ELF2: variants seen among roughly 807,000 people sequenced by gnomAD.
The protein encoded by ELF2 is ETS-related transcription factor Elf-2.
ELF2 carries 11 observed loss-of-function variants against 54.8 expected under a neutral mutation model. That is an observed-to-expected ratio of 0.20 (90% CI 0.13 to 0.33). The LOEUF is 0.33. Ranked by LOEUF, ELF2 falls within the 10% of genes least tolerant of loss-of-function variation. The probability of loss-of-function intolerance (pLI) is 1.00; values close to 1 mark genes in which losing one functional copy is unlikely to be tolerated. For missense variants in ELF2, 513 were observed against 703.0 expected, an observed-to-expected ratio of 0.73 and a Z score of 3.06; for synonymous variants, 203 against 245.1, an observed-to-expected ratio of 0.83 and a Z score of 1.61.
chr4:139,109,997 G>A (rs370225653), intron 4 of ELF2, among the ~76,000 whole-genome samples: 6 of 152,112 alleles, frequency 3.9e-5, no homozygotes, highest in South Asian at 4.1e-4. Context: ...AAAAAGAAAC[G>A]TTAAAAAATA....
chr4:139,138,145 C>T (rs1440154426), intron 2 of ELF2, among the ~76,000 whole-genome samples: 3 of 152,110 alleles, frequency 2.0e-5, no homozygotes, highest in African/African-American at 2.4e-5. Context: ...GTGCCAGGTG[C>T]GGTGGCTCAC....
intron 4 of ELF2, among the ~76,000 whole-genome samples, chr4:139,119,235 G>A (rs142535032): frequency 5.3e-5 from 8 of 152,084 alleles, no homozygotes; most frequent in South Asian, 2.1e-4. Context: ...GTTTCCCCTC[G>A]GAAATTTATT....
intron 1 of ELF2, among the ~76,000 whole-genome samples, chr4:139,143,906 C>T (rs1390923765): frequency 2.6e-5 from 4 of 152,014 alleles, no homozygotes; most frequent in Non-Finnish European, 5.9e-5. Flanking sequence ...ACACCTTAGC[C>T]TGATCCTTGC....
chr4:139,110,249 A>C (rs1191430941), intron 4 of ELF2, among the ~76,000 whole-genome samples: 1 of 152,206 alleles, frequency 6.6e-6, no homozygotes, highest in African/African-American at 2.4e-5. Flanking sequence ...ATAGCAGAGC[A>C]CATGCTCTGG....
chr4:139,153,362 G>A (rs559462668), intron 1 of ELF2, among the ~76,000 whole-genome samples: 1 of 152,222 alleles, frequency 6.6e-6, no homozygotes, highest in Non-Finnish European at 1.5e-5. Context: ...TTGAGCCTGG[G>A]AGGCAGAGGT....
At chr4:139,066,790 G>A (rs1029052438) in intron 7 of ELF2, 2 of 151,858 alleles carry the variant, frequency 1.3e-5, no homozygotes, top group African/African-American at 4.8e-5. Flanking sequence ...CTACTTGGGA[G>A]GCTACAAGCA....
At position 139,060,447 on chromosome 4, in the gene ELF2, G is replaced by A. The variant is rs1727669405; in HGVS notation, c.1034C>T (p.Pro345Leu). The change falls in exon 9 of 10, where the codon CCT (proline) becomes CTT (leucine). Residue 345 changes from proline (P) to leucine (L), a missense_variant. This residue lies in a region of ELF2 where 291 missense variants were observed against 366.1 expected (regional missense o/e 0.79). Transcript: ENST00000686138. ...SSVRSGKNSS[P>L]INCSRAEKGV... ...CTTCTCTGCTCTGGAGCAGTTTATA[G>A]GGGATGAATTTTTTCCACTGCGAAC... The A allele has an allele frequency of 1.2e-6, 2 of 1,614,184 alleles. No homozygotes were observed. The highest frequency in any genetic ancestry group is 1.6e-4 in the Middle Eastern group (1 of 6,062).
chr4:139,153,165 T>C (rs1017198544), intron 1 of ELF2, among the ~76,000 whole-genome samples: 1 of 152,178 alleles, frequency 6.6e-6, no homozygotes, highest in African/African-American at 2.4e-5. Context: ...CCAGGCACAG[T>C]GGCTCACGCC....
chr4:139,073,752 A>G (rs986094506), intron 4 of ELF2, 185 bp from the exon 5 acceptor site: 1 of 337,226 alleles, frequency 3.0e-6, no homozygotes, highest in Non-Finnish European at 5.3e-6. Context: ...TAATTTTTAA[A>G]AAGCTAATAT....
intron 1 of ELF2, among the ~76,000 whole-genome samples, chr4:139,144,690 G>A (rs2148872823): frequency 6.6e-6 from 1 of 152,302 alleles, no homozygotes; most frequent in South Asian, 2.1e-4. Flanking sequence ...AAGTGTGTAG[G>A]AGCTGGATGA....
chr4:139,139,999 G>A (rs1031218654), intron 1 of ELF2, among the ~76,000 whole-genome samples: 2 of 152,098 alleles, frequency 1.3e-5, no homozygotes, highest in Non-Finnish European at 2.9e-5. Flanking sequence ...GTGAGATCAC[G>A]GCTCACTGCA....
intron 3 of ELF2, among the ~76,000 whole-genome samples, chr4:139,126,464 T>C (rs772274860): frequency 1.1e-4 from 17 of 151,730 alleles, no homozygotes; most frequent in Non-Finnish European, 1.6e-4. Context: ...AGCCACCCAT[T>C]TGAAAGGACC....
At chr4:139,108,299 G>A (rs908776159) in intron 4 of ELF2, among the ~76,000 whole-genome samples, 6 of 152,130 alleles carry the variant, frequency 3.9e-5, no homozygotes, top group Admixed American at 1.3e-4. Flanking sequence ...GAGGAAACTC[G>A]TACTAACAGA....
At chr4:139,141,629 C>T (rs1199957196) in intron 1 of ELF2, among the ~76,000 whole-genome samples, 3 of 152,144 alleles carry the variant, frequency 2.0e-5, no homozygotes, top group Non-Finnish European at 4.4e-5. Flanking sequence ...CCTTGGCCCC[C>T]CACAAAGTCT....
chr4:139,110,591 G>C (rs1734859796), intron 4 of ELF2, among the ~76,000 whole-genome samples: 1 of 152,168 alleles, frequency 6.6e-6, no homozygotes, highest in African/African-American at 2.4e-5. Context: ...ACACCTACCT[G>C]ACACTTGAAT....
chr4:139,132,499 AG>A (rs1437731195), intron 3 of ELF2, among the ~76,000 whole-genome samples: 1 of 152,144 alleles, frequency 6.6e-6, no homozygotes, highest in Non-Finnish European at 1.5e-5. Context: ...CTATCCCTAT[AG>A]ATTTCTATCC....
At chr4:139,132,014 T>A (rs531813504) in intron 3 of ELF2, among the ~76,000 whole-genome samples, 33 of 152,202 alleles carry the variant, frequency 2.2e-4, no homozygotes, top group Non-Finnish European at 3.7e-4. Flanking sequence ...TTATTTAGCA[T>A]ATACATTTAA....
chr4:139,170,185 C>T (rs982673910), intron 1 of ELF2, among the ~76,000 whole-genome samples: 5 of 149,734 alleles, frequency 3.3e-5, no homozygotes, highest in Non-Finnish European at 7.4e-5. Flanking sequence ...AAAGTATAAT[C>T]TATAAAAGAA....
At position 139,131,164 on chromosome 4, in the gene ELF2, T is replaced by G. The variant is rs574535047; in HGVS notation, c.73-5835A>C. ...AAAAATACAGGATACCCAGTTAAAT[T>G]TGAATTTCAGAGAAACACTGAATAA... On this transcript the variant is annotated intron_variant, in intron 3 of 9. Transcript: ENST00000686138. Among the ~76,000 whole-genome samples, 4 of 152,338 alleles carry G rather than the reference T, an allele frequency of 2.6e-5. No homozygotes were observed. In the East Asian group the frequency reaches 7.7e-4, roughly 29 times the overall value.
Sources: allele counts gnomAD v4.1 joint callset (sites outside exome capture counted in the v4.1 genomes callset), GRCh38; gene constraint gnomAD v4.1.1; regional missense constraint gnomAD v4.1.1; transcripts MANE v1.5; gene names NCBI Gene and HGNC (gene_info 2026-07-23, HGNC 2026-07-21).